PLXDC2: variants seen among roughly 807,000 people sequenced by gnomAD.
PLXDC2 encodes plexin domain containing 2.
Under a neutral mutation model 68.9 loss-of-function variants are expected in PLXDC2, and 40 were observed. That is an observed-to-expected ratio of 0.58 (90% CI 0.45 to 0.76). The LOEUF is 0.76. PLXDC2 is among the 30% of genes least tolerant of loss of function. PLXDC2 has a pLI of 0.00. For missense variants in PLXDC2, 644 were observed against 661.9 expected (o/e 0.97, Z 0.30); for synonymous variants, 243 against 234.2 (o/e 1.04, Z -0.34).
At chr10:19,850,278 GT>G (rs35339352) in intron 1 of PLXDC2, among the ~76,000 whole-genome samples, 39,083 of 142,516 alleles carry the variant, frequency 0.27, 5,824 homozygotes, top group African/African-American at 0.44. Context: ...TAACTGATAG[GT>G]TTTTTTTTTT....
At position 19,942,906 on chromosome 10, in the gene PLXDC2, AT is replaced by A. The variant is rs201617870; in HGVS notation, c.113-58866del. On this transcript the variant is annotated intron_variant, in intron 1 of 13. Transcript: ENST00000377252. ...TAGTTGACGAAATGTTCATTTAAAT[AT>A]TTGTAGGGGAAAATCAAGCAGCTAT... Among the ~76,000 whole-genome samples the A allele has an allele frequency of 7.0e-3, 1,064 of 152,352 alleles. 6 individuals are homozygous for A. Among genetic ancestry groups the A allele is most frequent in the Middle Eastern group, 0.02 (6 of 294 alleles).
In PLXDC2 at chr10:19,841,690, T is replaced by G. The variant is rs548286511; in HGVS notation, c.112+24499T>G. Among the ~76,000 whole-genome samples, 5 of 152,234 alleles carry G rather than the reference T, an allele frequency of 3.3e-5. No homozygotes were observed. In the South Asian group the frequency reaches 1.0e-3, roughly 32 times the overall value. ...GAGAATAATAAGAACCTCTACCTCA[T>G]TCGTGACTTTGAGGATTAAATTAGT... On this transcript the variant is annotated intron_variant, in intron 1 of 13. Coordinates refer to ENST00000377252, the MANE Select transcript of PLXDC2 (RefSeq NM_032812.9).
chr10:20,144,531 A>T (rs1298982891), intron 5 of PLXDC2, among the ~76,000 whole-genome samples: 1 of 152,194 alleles, frequency 6.6e-6, no homozygotes, highest in African/African-American at 2.4e-5. Context: ...TCTAAGTGTT[A>T]GCTGCAATAA....
chr10:20,189,356 G>C (rs184438125), intron 9 of PLXDC2, among the ~76,000 whole-genome samples: 2 of 149,822 alleles, frequency 1.3e-5, no homozygotes, highest in African/African-American at 4.9e-5. Context: ...AGAGAAATAC[G>C]TATTACCATT....
intron 9 of PLXDC2, among the ~76,000 whole-genome samples, chr10:20,209,211 A>T (rs1835034615): frequency 6.6e-6 from 1 of 152,032 alleles, no homozygotes; most frequent in Admixed American, 6.6e-5. Context: ...GCTACGGGAG[A>T]CTGGAGCTTA....
At position 20,119,658 on chromosome 10, in the gene PLXDC2, G is replaced by A. The variant is rs1833669760; in HGVS notation, c.542-23637G>A. 2.6e-5 allele frequency among the ~76,000 whole-genome samples: 4 copies of A among 151,970 alleles called. No individual in the cohort carries two copies. The South Asian group carries it at 8.3e-4, about 32-fold the overall frequency. On this transcript the variant is annotated intron_variant, in intron 4 of 13. Transcript: ENST00000377252. ...TAAAACAAAATAGTGGTAAAGTGTT[G>A]GGACAGCGAAAATTTTGGGAGATGG... is the stretch of plus-strand genomic sequence containing the variant.
intron 4 of PLXDC2, among the ~76,000 whole-genome samples, chr10:20,070,383 G>A (rs951770814): frequency 6.6e-6 from 1 of 152,128 alleles, no homozygotes; most frequent in African/African-American, 2.4e-5. Flanking sequence ...CATACTATTG[G>A]TACCAAATAC....
intron 1 of PLXDC2, among the ~76,000 whole-genome samples, chr10:19,889,966 G>A (rs929233176): frequency 6.6e-6 from 1 of 152,206 alleles, no homozygotes; most frequent in African/African-American, 2.4e-5. Context: ...AGTAGTGACA[G>A]GTAGAATAAG....
chr10:20,240,731 A>AC (rs1835503654), intron 12 of PLXDC2, among the ~76,000 whole-genome samples: 1 of 147,292 alleles, frequency 6.8e-6, no homozygotes, highest in Non-Finnish European at 1.5e-5. Context: ...AAAAAAAAAA[A>AC]GGTTAAATAA....
chr10:20,073,778 A>G (rs2131712863), intron 4 of PLXDC2, among the ~76,000 whole-genome samples: 1 of 152,266 alleles, frequency 6.6e-6, no homozygotes, highest in East Asian at 1.9e-4. Context: ...TTTGCATATC[A>G]CACTACATTA....
intron 1 of PLXDC2, among the ~76,000 whole-genome samples, chr10:19,846,117 G>C (rs1403533294): frequency 6.6e-6 from 1 of 152,162 alleles, no homozygotes; most frequent in Non-Finnish European, 1.5e-5. Context: ...GATTGCTTGA[G>C]TCCAACCTTT....
rs1836110181 is a variant in PLXDC2, at chr10:20,283,617, G to A, written c.*3798G>A. On this transcript the variant is annotated 3_prime_UTR_variant, in exon 14 of 14. Coordinates refer to ENST00000377252, the MANE Select transcript of PLXDC2 (RefSeq NM_032812.9). ...TTGTCCCACATGACATCCATCCCAT[G>A]TATTTATCCACTCTTTCACAACATT... is the stretch of plus-strand genomic sequence containing the variant. 1 of 152,152 alleles carries A rather than the reference G, an allele frequency of 6.6e-6. No homozygotes were observed. The highest frequency in any genetic ancestry group is 2.4e-5 in the African/African-American group (1 of 41,448). The allele number at this position is 152,152 out of a possible 1,614,324, so 9.4% of individuals were successfully genotyped here. A position where few individuals can be genotyped will look rare whatever the true frequency, so the allele number is the denominator to read the frequency against.
At chr10:20,165,707 G>A (rs865989864) in intron 7 of PLXDC2, among the ~76,000 whole-genome samples, 4 of 152,150 alleles carry the variant, frequency 2.6e-5, no homozygotes, top group Admixed American at 1.3e-4. Context: ...TACCTACCAC[G>A]AGAGAAGATA....
chr10:20,260,184 TC>T (rs1480367528), intron 13 of PLXDC2, among the ~76,000 whole-genome samples: 8 of 152,212 alleles, frequency 5.3e-5, no homozygotes, highest in African/African-American at 1.9e-4. Flanking sequence ...TCTATAGATA[TC>T]ATTTTTGTGT....
intron 4 of PLXDC2, among the ~76,000 whole-genome samples, chr10:20,118,281 TTGCAATATGAATA>T (rs1185288302): frequency 1.3e-5 from 2 of 152,162 alleles, no homozygotes; most frequent in African/African-American, 4.8e-5. Flanking sequence ...AAAGAGTGAA[TTGCAATATGAATA>T]TGCAACCAGG....
intron 13 of PLXDC2, among the ~76,000 whole-genome samples, chr10:20,275,313 G>A (rs541423022): frequency 6.6e-6 from 1 of 151,944 alleles, no homozygotes; most frequent in Admixed American, 6.6e-5. Flanking sequence ...TCACCTGGGA[G>A]CCTGTGAGAA....
intron 1 of PLXDC2, among the ~76,000 whole-genome samples, chr10:19,827,794 A>G (rs1388665695): frequency 1.3e-5 from 2 of 152,114 alleles, no homozygotes; most frequent in Non-Finnish European, 2.9e-5. Context: ...CCTGACCTCA[A>G]GTGATCCACC....
chr10:19,904,303 G>A (rs1410796915), intron 1 of PLXDC2, among the ~76,000 whole-genome samples: 2 of 152,028 alleles, frequency 1.3e-5, no homozygotes, highest in African/African-American at 2.4e-5. Flanking sequence ...CACTATTATT[G>A]TGTTGCTGTC....
intron 2 of PLXDC2, among the ~76,000 whole-genome samples, chr10:20,044,971 A>G (rs934784976): frequency 2.6e-5 from 4 of 152,050 alleles, no homozygotes; most frequent in African/African-American, 9.7e-5. Context: ...AGACAACCCA[A>G]ACTATCCGTG....
Sources: allele counts gnomAD v4.1 joint callset (sites outside exome capture counted in the v4.1 genomes callset), GRCh38; gene constraint gnomAD v4.1.1; transcripts MANE v1.5; gene names NCBI Gene and HGNC (gene_info 2026-07-23, HGNC 2026-07-21).